Variants in MBD5 observed in about 807,000 individuals in gnomAD.
MBD5 encodes the protein methyl-CpG-binding domain protein 5.
MBD5 carries 13 observed loss-of-function variants against 117.3 expected under a neutral mutation model. The observed-to-expected ratio is 0.11, with a 90% CI of 0.07 to 0.18. MBD5 has a LOEUF of 0.18. MBD5 is among the 10% of genes least tolerant of loss of function. MBD5 has a pLI of 1.00. For synonymous variants in MBD5, 727 were observed against 766.4 expected (o/e 0.95, Z 0.85); for missense variants, 1,879 against 2,093.8 (o/e 0.90, Z 2.00).
chr2:148,382,079 TA>T (rs1346634644), intron 4 of MBD5, among the ~76,000 whole-genome samples: 1 of 152,116 alleles, frequency 6.6e-6, no homozygotes, highest in Non-Finnish European at 1.5e-5. Context: ...GCTAACATCA[TA>T]ATGACAGGAT....
chr2:148,154,970 A>T (rs1471926881), intron 1 of MBD5, among the ~76,000 whole-genome samples: 1 of 152,148 alleles, frequency 6.6e-6, no homozygotes, highest in South Asian at 2.1e-4. Context: ...ATAAATATTT[A>T]TTGAGTTCTT....
rs930340723 is a variant in MBD5 at position 148,208,969 on chromosome 2, G to A, written c.-830-24276G>A. Among the ~76,000 whole-genome samples the A allele has an allele frequency of 9.9e-5, 15 of 152,044 alleles. 1 individual carries two copies. Among genetic ancestry groups the A allele is most frequent in the Admixed American group, 3.9e-4 (6 of 15,282 alleles). On this transcript the variant is annotated intron_variant, in intron 2 of 13. Transcript: ENST00000642680. ...TTTCACATGGGATTGATTAAACACCGTTATATGTGATACTACATTTTTTCA... is the reference window on the plus strand; with the variant it reads ...TTTCACATGGGATTGATTAAACACCATTATATGTGATACTACATTTTTTCA...
chr2:148,477,263 C>T (rs928355287), intron 8 of MBD5, among the ~76,000 whole-genome samples: 5 of 152,108 alleles, frequency 3.3e-5, no homozygotes, highest in African/African-American at 1.2e-4. Flanking sequence ...CTCTTTTCTC[C>T]TCCCCATCCT....
At chr2:148,353,194 G>C (rs1009866411) in intron 4 of MBD5, among the ~76,000 whole-genome samples, 7 of 152,086 alleles carry the variant, frequency 4.6e-5, no homozygotes, top group African/African-American at 1.7e-4. Context: ...ACACTTTTGT[G>C]TCACAAGTAT....
intron 1 of MBD5, among the ~76,000 whole-genome samples, chr2:148,160,548 A>C (rs1161129968): frequency 6.6e-6 from 1 of 152,218 alleles, no homozygotes; most frequent in Non-Finnish European, 1.5e-5. Context: ...CAGGTGAGAA[A>C]GCTTCCTAGA....
At position 148,513,015 on chromosome 2, in the gene MBD5, A is replaced by T; in HGVS notation, c.*74A>T. On this transcript the variant is annotated 3_prime_UTR_variant, in exon 14 of 14. Coordinates refer to ENST00000642680, the MANE Select transcript of MBD5 (RefSeq NM_001378120.1). ...GATGTATCTGTATATAGGTATTGAT[A>T]TAGCCACAGTTATATCAATATTTAG... 1.5e-6 allele frequency: 2 copies of T among 1,336,416 alleles called. No individual in the cohort carries two copies. Among genetic ancestry groups the T allele is most frequent in the Admixed American group, 1.7e-5 (1 of 59,344 alleles). 82.8% of individuals were successfully genotyped at this position (1,336,416 alleles called of 1,614,324 possible).
At chr2:148,393,789 T>G (rs12613727) in intron 4 of MBD5, among the ~76,000 whole-genome samples, 79,623 of 151,922 alleles carry the variant, frequency 0.52, 21,079 homozygotes, top group East Asian at 0.75. Flanking sequence ...CAGATGAACT[T>G]CAGATAGAAC....
At chr2:148,412,276 G>T (rs971232713) in intron 4 of MBD5, among the ~76,000 whole-genome samples, 230 of 138,376 alleles carry the variant, frequency 1.7e-3, no homozygotes, top group African/African-American at 6.8e-3. Flanking sequence ...TACTTTTTGT[G>T]TGTGTGTGTG....
intron 4 of MBD5, among the ~76,000 whole-genome samples, chr2:148,417,918 T>C (rs1481841955): frequency 6.6e-6 from 1 of 152,008 alleles, no homozygotes; most frequent in Non-Finnish European, 1.5e-5. Context: ...TGGCTCACTG[T>C]GACCTCCGCC....
chr2:148,024,945 G>T (rs755084221), intron 1 of MBD5: 2 of 152,050 alleles, frequency 1.3e-5, no homozygotes, highest in Non-Finnish European at 2.9e-5. Flanking sequence ...CCCTGACTTT[G>T]TTTTTTTGGT....
At chr2:148,504,615 A>C (rs1681974648) in intron 12 of MBD5, among the ~76,000 whole-genome samples, 1 of 152,218 alleles carries the variant, frequency 6.6e-6, no homozygotes, top group South Asian at 2.1e-4. Flanking sequence ...CAAGTAATTC[A>C]AATGTCAAAA....
At chr2:148,328,133 G>T (rs1353880467) in intron 3 of MBD5, among the ~76,000 whole-genome samples, 1 of 152,228 alleles carries the variant, frequency 6.6e-6, no homozygotes, top group Non-Finnish European at 1.5e-5. Context: ...GCTGGGGGGT[G>T]CCTCCTAGTT....
chr2:148,117,984 G>A lies in MBD5; in HGVS notation c.-924-60716G>A, dbSNP rs563360799. 2.6e-5 allele frequency among the ~76,000 whole-genome samples: 4 copies of A among 152,260 alleles called. No individual in the cohort carries two copies. The South Asian group carries it at 8.3e-4, about 32-fold the overall frequency. On this transcript the variant is annotated intron_variant, in intron 1 of 13. Transcript: ENST00000642680. ...AGCACATGGGGTAAAAGTTTTGGCT[G>A]AGTCCTGGAAATCTGCACTACAAAG...
chr2:148,428,743 G>A (rs1574414554), intron 4 of MBD5, among the ~76,000 whole-genome samples: 1 of 152,178 alleles, frequency 6.6e-6, no homozygotes, highest in East Asian at 1.9e-4. Flanking sequence ...AAGCAATGGT[G>A]AAAGGATTCC....
At chr2:148,334,308 A>G (rs1702732551) in intron 3 of MBD5, among the ~76,000 whole-genome samples, 1 of 151,216 alleles carries the variant, frequency 6.6e-6, no homozygotes, top group Non-Finnish European at 1.5e-5. Context: ...ACTGTCACTC[A>G]TCTCTCATTC....
At chr2:148,063,617 A>G (rs903935097) in intron 1 of MBD5, among the ~76,000 whole-genome samples, 14 of 151,966 alleles carry the variant, frequency 9.2e-5, no homozygotes, top group Non-Finnish European at 1.8e-4. Flanking sequence ...TGCTACACAT[A>G]TTTTGGATGA....
At chr2:148,343,378 T>G (rs1703002625) in intron 4 of MBD5, among the ~76,000 whole-genome samples, 1 of 152,144 alleles carries the variant, frequency 6.6e-6, no homozygotes, top group East Asian at 1.9e-4. Flanking sequence ...TGAACTAATT[T>G]ACATTCCCGC....
intron 2 of MBD5, among the ~76,000 whole-genome samples, chr2:148,229,830 C>A (rs555078014): frequency 6.6e-6 from 1 of 152,292 alleles, no homozygotes; most frequent in South Asian, 2.1e-4. Flanking sequence ...GACTCTTGTT[C>A]TCTTTCCTCA....
At chr2:148,330,302 C>T (rs941147390) in intron 3 of MBD5, among the ~76,000 whole-genome samples, 1 of 152,072 alleles carries the variant, frequency 6.6e-6, no homozygotes, top group African/African-American at 2.4e-5. Context: ...GGACCCATCA[C>T]TGTAGACAGA....
Sources: allele counts gnomAD v4.1 joint callset (sites outside exome capture counted in the v4.1 genomes callset), GRCh38; gene constraint gnomAD v4.1.1; transcripts MANE v1.5; gene names NCBI Gene and HGNC (gene_info 2026-07-23, HGNC 2026-07-21).